The following DNASE2B variants were observed in gnomAD, a reference collection of about 807,000 sequenced individuals.
DNASE2B encodes deoxyribonuclease-2-beta.
A neutral mutation model predicts 46.0 loss-of-function variants in DNASE2B; 43 were observed. The observed-to-expected ratio is 0.94, with a 90% CI of 0.73 to 1.21. The LOEUF is 1.21. Ranked by LOEUF, DNASE2B falls within the 50% of genes most tolerant of loss-of-function variation. The pLI is 0.00. For missense variants in DNASE2B, 395 were observed against 414.4 expected, an observed-to-expected ratio of 0.95 and a Z score of 0.41; for synonymous variants, 156 against 152.5, an observed-to-expected ratio of 1.02 and a Z score of -0.17.
At chr1:84,398,815 A>C in intron 1 of DNASE2B, 126 bp downstream of exon 1, 1 of 1,418,816 alleles carries the variant, frequency 7.0e-7, no homozygotes, top group East Asian at 2.4e-5. Flanking sequence ...AAAGGAAGTT[A>C]AAGTGTGCAA....
chr1:84,410,261 T>G (rs1333214345), intron 3 of DNASE2B, among the ~76,000 whole-genome samples: 1 of 152,240 alleles, frequency 6.6e-6, no homozygotes, highest in Admixed American at 6.5e-5. Context: ...TAGAGATTTT[T>G]ACAAACGTAA....
In DNASE2B at chr1:84,408,454, T is replaced by C. The variant is rs1211187966; in HGVS notation, c.321T>C (p.Tyr107=). The C allele has an allele frequency of 5.6e-6, 9 of 1,610,878 alleles. No individual in the cohort carries two copies. Among genetic ancestry groups the C allele is most frequent in the Admixed American group, 5.0e-5 (3 of 59,664 alleles). ...AYASKSNNTA[Y]LIYNDGVPKP... ...TCCTGCAGAGTAACAACACAGCCTA[T>C]CTAATATACAATGATGGAGTCCCTA... The change falls in exon 3 of 6, where the codon TAT becomes TAC. Residue 107 remains tyrosine, a synonymous_variant. Transcript: ENST00000370665.
intron 4 of DNASE2B, 102 bp from the exon 5 acceptor site, chr1:84,412,247 T>C: frequency 9.3e-7 from 1 of 1,079,654 alleles, no homozygotes; most frequent in South Asian, 2.6e-5. Context: ...CCTTTGTTTT[T>C]GTGTTGTTTT....
Position 84,410,845 on chromosome 1 carries a change from G to T in DNASE2B, c.393G>T (p.Leu131=), listed in dbSNP as rs1228416476. The T allele has an allele frequency of 1.2e-6, 2 of 1,612,644 alleles. No individual in the cohort carries two copies. The highest frequency in any genetic ancestry group is 1.7e-6 in the Non-Finnish European group (2 of 1,179,530). The part of the protein sequence containing the change: ...SRKYGHTKGL[L]LWNRVQGFWL... ...TAAATGTGTCTTTGGTAGGTTTACTGCTGTGGAACAGAGTTCAAGGGTTCT... is the reference window on the plus strand; with the variant it reads ...TAAATGTGTCTTTGGTAGGTTTACTTCTGTGGAACAGAGTTCAAGGGTTCT... Residue 131 remains leucine, a synonymous_variant, in exon 4 of 6, where the codon CTG becomes CTT. Coordinates refer to ENST00000370665, the MANE Select transcript of DNASE2B (RefSeq NM_021233.3).
chr1:84,412,328 C>A (rs777301129), intron 4 of DNASE2B, 21 bp from the exon 5 acceptor site: 2 of 1,481,888 alleles, frequency 1.3e-6, no homozygotes, highest in East Asian at 4.9e-5. Flanking sequence ...CTCAACTTTT[C>A]TTTACTGTTT....
chr1:84,414,068 G>T (rs900955248), intron 5 of DNASE2B, among the ~76,000 whole-genome samples: 1 of 151,950 alleles, frequency 6.6e-6, no homozygotes, highest in African/African-American at 2.4e-5. Context: ...AATTCATCCT[G>T]CCCATTGCCT....
At chr1:84,411,483 T>C (rs1237115383) in intron 4 of DNASE2B, among the ~76,000 whole-genome samples, 2 of 88,670 alleles carry the variant, frequency 2.3e-5, no homozygotes, top group Non-Finnish European at 4.8e-5. Context: ...TGTGTGTGTG[T>C]CAGAGAGAGA....
At chr1:84,414,441 A>C (rs1232331173) in intron 5 of DNASE2B, 87 bp from the exon 6 acceptor site, 2 of 1,173,026 alleles carry the variant, frequency 1.7e-6, no homozygotes, top group Non-Finnish European at 2.4e-6. Flanking sequence ...TCAGGGGTGA[A>C]AGATGATTTC....
At chr1:84,404,052 C>A (rs1392677800) in intron 2 of DNASE2B, among the ~76,000 whole-genome samples, 6 of 151,400 alleles carry the variant, frequency 4.0e-5, no homozygotes, top group Non-Finnish European at 2.9e-5. Flanking sequence ...AGCAATCCAC[C>A]CATATTGGCC....
intron 4 of DNASE2B, 110 bp downstream of exon 4, chr1:84,411,109 G>A: frequency 1.6e-6 from 2 of 1,273,748 alleles, no homozygotes; most frequent in Middle Eastern, 1.9e-4. Context: ...TAGACCCTCT[G>A]ATACCTAGAT....
At chr1:84,409,854 A>G (rs184737834) in intron 3 of DNASE2B, among the ~76,000 whole-genome samples, 54 of 152,310 alleles carry the variant, frequency 3.5e-4, no homozygotes, top group African/African-American at 1.3e-3. Flanking sequence ...GATTCCAGCA[A>G]ATTGGCACAC....
At position 84,404,210 on chromosome 1, in the gene DNASE2B, T is replaced by TTC. The variant is rs1381485868; in HGVS notation, c.303+2133_303+2134insCT. ...ATCATCTGGCTCTGGTTCCATTGAGTTATGTTCTGTTAATTTCTCTAGTGT... is the reference window on the plus strand; with the variant it reads ...ATCATCTGGCTCTGGTTCCATTGAGTTCTATGTTCTGTTAATTTCTCTAGTGT... On this transcript the variant is annotated intron_variant, in intron 2 of 5. Coordinates refer to ENST00000370665, the MANE Select transcript of DNASE2B (RefSeq NM_021233.3). 3.3e-5 allele frequency among the ~76,000 whole-genome samples: 5 copies of TTC among 152,170 alleles called. No individual in the cohort carries two copies. The East Asian group carries it at 9.6e-4, about 29-fold the overall frequency.
Position 84,415,014 on chromosome 1 carries a change from T to C in DNASE2B, c.*146T>C. On this transcript the variant is annotated 3_prime_UTR_variant, in exon 6 of 6. Transcript: ENST00000370665. ...AAACATTTTTCTCTCATGTTTACCA[T>C]TTAATCTTCTATTTAATGGTAATTT... 1 of 609,180 alleles carries C rather than the reference T, an allele frequency of 1.6e-6. No individual in the cohort carries two copies. The highest frequency in any genetic ancestry group is 2.8e-5 in the East Asian group (1 of 35,818). 37.7% of individuals were successfully genotyped at this position (609,180 alleles called of 1,614,324 possible).
rs770686637 is a variant in DNASE2B, at chr1:84,412,451, G to GCTCATCAGAGATTCCTGGCAGGCTC, written c.655_679dup (p.Thr227IlefsTer30). Reference sequence around the variant, plus strand: ...ATGCCCCAGCTGTGCACCAGGGCCAGCTCATCAGAGATTCCTGGCAGGCTC... The same window carrying GCTCATCAGAGATTCCTGGCAGGCTC: ...ATGCCCCAGCTGTGCACCAGGGCCAGCTCATCAGAGATTCCTGGCAGGCTCCTCATCAGAGATTCCTGGCAGGCTC... On this transcript the variant is annotated frameshift_variant, in exon 5 of 6. Coordinates refer to ENST00000370665, the MANE Select transcript of DNASE2B (RefSeq NM_021233.3). LOFTEE classifies it high-confidence loss of function. 1.2e-6 allele frequency: 2 copies of GCTCATCAGAGATTCCTGGCAGGCTC among 1,613,800 alleles called. No homozygotes were observed. The highest frequency in any genetic ancestry group is 1.7e-6 in the Non-Finnish European group (2 of 1,179,884).
At chr1:84,407,978 C>A (rs1449481660) in intron 2 of DNASE2B, among the ~76,000 whole-genome samples, 2 of 152,140 alleles carry the variant, frequency 1.3e-5, no homozygotes, top group Non-Finnish European at 2.9e-5. Flanking sequence ...AAGTGAAGCA[C>A]AAAGTGTGCA....
Position 84,410,910 on chromosome 1 carries a change from A to C in DNASE2B, c.458A>C (p.Glu153Ala). The C allele has an allele frequency of 1.2e-6, 2 of 1,613,434 alleles. No individual in the cohort carries two copies. Among genetic ancestry groups the C allele is most frequent in the Non-Finnish European group, 1.7e-6 (2 of 1,179,698 alleles). ...ATCCCTCAGTTTCCTCCAATTCCGG[A>C]AGAAGGCTATGATTATCCACCCACA... ...HSIPQFPPIP[E>A]EGYDYPPTGR... The change falls in exon 4 of 6, where the codon GAA (glutamate) becomes GCA (alanine). Residue 153 changes from glutamate to alanine, a missense_variant. Transcript: ENST00000370665.
Position 84,398,619 on chromosome 1 carries a change from C to A in DNASE2B, c.55C>A (p.Leu19Ile), listed in dbSNP as rs769277218. 8 of 1,613,740 alleles carry A rather than the reference C, an allele frequency of 5.0e-6. No homozygotes were observed. Among genetic ancestry groups the A allele is most frequent in the Non-Finnish European group, 6.8e-6 (8 of 1,179,804 alleles). Residue 19 changes from leucine to isoleucine, a missense_variant, in exon 1 of 6, where the codon CTT (leucine) becomes ATT (isoleucine). By Grantham distance (5) the Leu-to-Ile change is conservative (BLOSUM62 2). Coordinates refer to ENST00000370665, the MANE Select transcript of DNASE2B (RefSeq NM_021233.3). ...AAGAACATCCTTTGCTTTGCTCTTC[C>A]TTGGCCTCTTTGGGGTGCTGGGGGC... The part of the protein sequence containing the change: ...LLRTSFALLF[L>I]GLFGVLGAAT...
intron 4 of DNASE2B, among the ~76,000 whole-genome samples, chr1:84,411,927 A>G (rs1279431294): frequency 2.0e-5 from 3 of 152,168 alleles, no homozygotes; most frequent in African/African-American, 7.2e-5. Flanking sequence ...ACTTTTGTAT[A>G]TGTATATGTA....
chr1:84,398,734 G>A (rs779480020), intron 1 of DNASE2B, 45 bp downstream of exon 1: 1 of 1,606,594 alleles, frequency 6.2e-7, no homozygotes, highest in Admixed American at 1.7e-5. Context: ...AACAGCCTCG[G>A]TACAGAGTTG....
Sources: allele counts gnomAD v4.1 joint callset (sites outside exome capture counted in the v4.1 genomes callset), GRCh38; gene constraint gnomAD v4.1.1; transcripts MANE v1.5; gene names NCBI Gene and HGNC (gene_info 2026-07-23, HGNC 2026-07-21).